The following CXCR6 variants were observed in gnomAD, a reference collection of about 807,000 sequenced individuals.
The protein encoded by CXCR6 is C-X-C motif chemokine receptor 6, also known as C-X-C chemokine receptor type 6.
Under a neutral mutation model 1.6 loss-of-function variants are expected in CXCR6, and 3 were observed. The observed-to-expected ratio is 1.83, with a 90% CI of 0.83 to 4.72. The LOEUF is 4.72. CXCR6 is among the 30% of genes most tolerant of loss of function. The pLI is 0.02. For missense variants in CXCR6, 326 were observed against 414.8 expected, an observed-to-expected ratio of 0.79 and a Z score of 1.86; for synonymous variants, 171 against 159.2, an observed-to-expected ratio of 1.07 and a Z score of -0.56.
At chr3:45,944,936 C>T (rs1056039022) in intron 1 of CXCR6, 5 of 152,144 alleles carry the variant, frequency 3.3e-5, no homozygotes, top group African/African-American at 1.2e-4. Flanking sequence ...AATACAGTGC[C>T]CCAGAGAGCT....
Position 45,946,550 on chromosome 3 carries a change from T to G in CXCR6, c.69T>G (p.His23Gln). 6.2e-7 allele frequency: 1 copy of G among 1,614,176 alleles called. No individual in the cohort carries two copies. Among genetic ancestry groups the G allele is most frequent in the Non-Finnish European group, 8.5e-7 (1 of 1,180,016 alleles). ...TCAATGACAGCAGCCAGGAGGAGCA[T>G]CAAGACTTCCTGCAGTTCAGCAAGG... ...SSFNDSSQEEHQDFLQFSKVF... is the reference protein window; with the variant it reads ...SSFNDSSQEEQQDFLQFSKVF... Residue 23 changes from histidine to glutamine, a missense_variant, in exon 2 of 2, where the codon CAT (histidine) becomes CAG (glutamine). His to Gln is a conservative substitution (Grantham distance 24, BLOSUM62 0). Transcript: ENST00000304552.
chr3:45,946,964 G>C lies in CXCR6; in HGVS notation c.483G>C (p.Leu161=), dbSNP rs1316448966. 1.2e-6 allele frequency: 2 copies of C among 1,614,196 alleles called. No homozygotes were observed. The highest frequency in any genetic ancestry group is 1.7e-6 in the Non-Finnish European group (2 of 1,180,036). ...TGCTCATCTGGGTGATATCCCTGCT[G>C]GTTTCCTTGCCCCAAATTATCTATG... ...TSLLIWVISL[L]VSLPQIIYGN... Residue 161 remains leucine (L), a synonymous_variant, in exon 2 of 2, where the codon CTG becomes CTC. Coordinates refer to ENST00000304552, the MANE Select transcript of CXCR6 (RefSeq NM_006564.2).
rs898892996 is a variant in CXCR6 at position 45,943,967 on chromosome 3, A to T, written c.-22+427A>T. 7.2e-5 allele frequency among the ~76,000 whole-genome samples: 11 copies of T among 152,338 alleles called. No homozygotes were observed. The South Asian group carries it at 1.9e-3, about 26-fold the overall frequency. On this transcript the variant is annotated intron_variant, in intron 1 of 1. Transcript: ENST00000304552. The stretch of plus-strand genomic sequence containing the variant: ...AACATACTACTGTAGAAACTTTGAA[A>T]ACTATTTTAAAAAAAGGAAGAAATA...
Position 45,947,483 on chromosome 3 carries a change from G to T in CXCR6, c.1002G>T (p.Val334=), listed in dbSNP as rs147792992. The T allele has an allele frequency of 3.4e-5, 55 of 1,613,876 alleles. No individual in the cohort carries two copies. Among genetic ancestry groups the T allele is most frequent in the Non-Finnish European group, 4.5e-5 (53 of 1,179,860 alleles). The change falls in exon 2 of 2, where the codon GTG becomes GTT. Residue 334 remains valine, a synonymous_variant. Transcript: ENST00000304552. ...NSKTFSASHN[V]EATSMFQL is the part of the protein sequence containing the mutation. The stretch of plus-strand genomic sequence containing the variant: ...AGACTTTTTCTGCCTCCCACAATGT[G>T]GAGGCCACCAGCATGTTCCAGTTAT...
rs759803649 is a variant in CXCR6 at position 45,946,820 on chromosome 3, C to T, written c.339C>T (p.Phe113=). The T allele has an allele frequency of 6.2e-7, 1 of 1,614,226 alleles. No homozygotes were observed. The highest frequency in any genetic ancestry group is 1.1e-5 in the South Asian group (1 of 91,090). ...KSLLGIYTIN[F]YTSMLILTCI... Reference sequence around the variant, plus strand: ...TACTGGGCATCTACACTATTAACTTCTACACGTCCATGCTCATCCTCACCT... The same window carrying T: ...TACTGGGCATCTACACTATTAACTTTTACACGTCCATGCTCATCCTCACCT... Residue 113 remains phenylalanine, a synonymous_variant, in exon 2 of 2, where the codon TTC becomes TTT. Transcript: ENST00000304552.
chr3:45,945,967 G>A (rs1162513489), intron 1 of CXCR6: 1 of 155,882 alleles, frequency 6.4e-6, no homozygotes, highest in Admixed American at 6.2e-5. Flanking sequence ...CCCCCTGGTA[G>A]GGGCACTTGC....
chr3:45,941,695 TAC>T (rs377734268), upstream of CXCR6, among the ~76,000 whole-genome samples: 1 of 152,250 alleles, frequency 6.6e-6, no homozygotes, highest in Non-Finnish European at 1.5e-5. Flanking sequence ...TATTGACATG[TAC>T]ACACAGTCAT....
rs564233008 is a variant in CXCR6 at position 45,947,455 on chromosome 3, C to T, written c.974C>T (p.Ser325Phe). 6.2e-7 allele frequency: 1 copy of T among 1,614,184 alleles called. No homozygotes were observed. The highest frequency in any genetic ancestry group is 8.5e-7 in the Non-Finnish European group (1 of 1,180,024). Residue 325 changes from serine (S) to phenylalanine (F), a missense_variant, in exon 2 of 2, where the codon TCC becomes TTC. Coordinates refer to ENST00000304552, the MANE Select transcript of CXCR6 (RefSeq NM_006564.2). Reference protein sequence around the residue: ...SHQWKSSEDNSKTFSASHNVE... With the variant: ...SHQWKSSEDNFKTFSASHNVE... The stretch of plus-strand genomic sequence containing the variant: ...CAATGGAAATCTTCTGAGGACAATT[C>T]CAAGACTTTTTCTGCCTCCCACAAT...
chr3:45,945,763 C>T (rs897989560), intron 1 of CXCR6: 4 of 152,196 alleles, frequency 2.6e-5, no homozygotes, highest in African/African-American at 7.2e-5. Context: ...CCACCCAATG[C>T]TTTAACCATG....
At chr3:45,943,765 A>C (rs1258049969) in intron 1 of CXCR6, among the ~76,000 whole-genome samples, 1 of 152,192 alleles carries the variant, frequency 6.6e-6, no homozygotes, top group African/African-American at 2.4e-5. Context: ...GCACACAGTT[A>C]GTGCTTGCAG....
chr3:45,941,987 G>A (rs3774640), upstream of CXCR6, among the ~76,000 whole-genome samples: 29,055 of 152,188 alleles, frequency 0.19, 2,908 homozygotes, highest in East Asian at 0.29. Context: ...TTATTCATTT[G>A]TCCACCATTC....
upstream of CXCR6, among the ~76,000 whole-genome samples, chr3:45,941,849 C>G (rs567967441): frequency 1.6e-4 from 24 of 152,280 alleles, 1 homozygote; most frequent in Middle Eastern, 0.014. Flanking sequence ...GTTGGTTGTC[C>G]CTGGGTAAAA....
rs1243848347 is a variant in CXCR6, at chr3:45,946,891, C to T, written c.410C>T (p.Ala137Val). 1.9e-6 allele frequency: 3 copies of T among 1,614,224 alleles called. No homozygotes were observed. The change falls in exon 2 of 2, where the codon GCC (alanine) becomes GTC (valine). Residue 137 changes from alanine (A) to valine (V), a missense_variant. Coordinates refer to ENST00000304552, the MANE Select transcript of CXCR6 (RefSeq NM_006564.2). ...RFIVVVKATK[A>V]YNQQAKRMTW... ...ATTGTAGTGGTTAAGGCCACCAAGG[C>T]CTACAACCAGCAAGCCAAGAGGATG... is the stretch of plus-strand genomic sequence containing the variant.
intron 1 of CXCR6, 82 bp downstream of exon 1, chr3:45,943,622 T>C (rs973112413): frequency 6.6e-6 from 1 of 152,234 alleles, no homozygotes; most frequent in African/African-American, 2.4e-5. Context: ...CTCAGATTCC[T>C]GTCTGTAGTA....
intron 1 of CXCR6, among the ~76,000 whole-genome samples, chr3:45,944,487 C>A (rs1559447661): frequency 6.6e-6 from 1 of 152,056 alleles, no homozygotes; most frequent in Non-Finnish European, 1.5e-5. Context: ...TAATTTGCTT[C>A]ATCATTATCA....
intron 1 of CXCR6, chr3:45,946,236 G>A: frequency 4.2e-6 from 2 of 474,928 alleles, no homozygotes; most frequent in Non-Finnish European, 7.6e-6. Flanking sequence ...CCAGATGGGT[G>A]AGATCCTGAG....
rs1704767294 is a variant in CXCR6, at chr3:45,948,280, T to G, written c.*770T>G. The stretch of plus-strand genomic sequence containing the variant: ...ATGTAAATGTATATACCCACACACA[T>G]ACACACATATGTCATATATTACTAG... On this transcript the variant is annotated 3_prime_UTR_variant, in exon 2 of 2. Transcript: ENST00000304552. 1 of 166,894 alleles carries G rather than the reference T, an allele frequency of 6.0e-6. No individual in the cohort carries two copies. The highest frequency in any genetic ancestry group is 2.4e-5 in the African/African-American group (1 of 41,456). 10.3% of individuals were successfully genotyped at this position (166,894 alleles called of 1,614,324 possible). A position where few individuals can be genotyped will look rare whatever the true frequency, so the allele number is the denominator to read the frequency against.
rs771576868 is a variant in CXCR6 at position 45,946,656 on chromosome 3, T to C, written c.175T>C (p.Tyr59His). 1.2e-6 allele frequency: 2 copies of C among 1,614,220 alleles called. No individual in the cohort carries two copies. Among genetic ancestry groups the C allele is most frequent in the East Asian group, 4.5e-5 (2 of 44,874 alleles). ...NSLVLVISIF[Y>H]HKLQSLTDVF... Reference sequence around the variant, plus strand: ...TCTGGTGCTGGTCATATCCATCTTCTACCATAAGTTGCAGAGCCTGACGGA... The same window carrying C: ...TCTGGTGCTGGTCATATCCATCTTCCACCATAAGTTGCAGAGCCTGACGGA... Residue 59 changes from tyrosine to histidine, a missense_variant, in exon 2 of 2, where the codon TAC (tyrosine) becomes CAC (histidine). Physicochemically the swap from Tyr to His is moderately conservative, Grantham distance 83. Transcript: ENST00000304552.
rs144386806 is a variant in CXCR6, at chr3:45,946,542, G to T, written c.61G>T (p.Glu21Ter). Residue 21 changes from glutamate to a stop codon, truncating the protein, a stop_gained, in exon 2 of 2, where the codon GAG becomes TAG. Coordinates refer to ENST00000304552, the MANE Select transcript of CXCR6 (RefSeq NM_006564.2). LOFTEE classifies it low-confidence loss of function (END_TRUNC). ...GFSSFNDSSQ[E>*]EHQDFLQFSK... ...CAGCAGTTTCAATGACAGCAGCCAGGAGGAGCATCAAGACTTCCTGCAGTT... is the reference window on the plus strand; with the variant it reads ...CAGCAGTTTCAATGACAGCAGCCAGTAGGAGCATCAAGACTTCCTGCAGTT... 2.3e-5 allele frequency: 37 copies of T among 1,614,106 alleles called. No homozygotes were observed. The highest frequency in any genetic ancestry group is 3.1e-5 in the Non-Finnish European group (36 of 1,180,048).
Sources: gnomAD v4.1 joint callset for allele counts (sites outside exome capture counted in the v4.1 genomes callset) on GRCh38, gnomAD v4.1.1 for gene constraint, MANE v1.5 for transcripts, NCBI Gene and HGNC (gene_info 2026-07-23, HGNC 2026-07-21) for gene names.